Variants in ZNF484 observed in about 807,000 individuals in gnomAD.
ZNF484 encodes KRAB box containing C2H2 type zinc finger bA526D8.4.
A neutral mutation model predicts 12.9 loss-of-function variants in ZNF484; 11 were observed. The ratio of observed to expected loss-of-function variants is 0.85; its 90% CI spans 0.54 to 1.41. The LOEUF is 1.41. ZNF484 is among the 40% of genes most tolerant of loss of function. The pLI is 0.00. For missense variants in ZNF484, 807 were observed against 1,007.7 expected (o/e 0.80, Z 2.70); for synonymous variants, 289 against 334.1 (o/e 0.86, Z 1.47).
intron 2 of ZNF484, among the ~76,000 whole-genome samples, chr9:92,859,862 C>G (rs1856675943): frequency 6.6e-6 from 1 of 152,226 alleles, no homozygotes; most frequent in South Asian, 2.1e-4. Flanking sequence ...AGTGCAGTGT[C>G]AATGAGAGTT....
intron 2 of ZNF484, among the ~76,000 whole-genome samples, chr9:92,857,614 C>T (rs1856540469): frequency 6.6e-6 from 1 of 152,170 alleles, no homozygotes; most frequent in Admixed American, 6.6e-5. Flanking sequence ...TTCTCAGGAG[C>T]CAGGGTGATC....
rs56121719 is a variant in ZNF484 at position 92,856,323 on chromosome 9, T to TAA, written c.16-7_16-6dup. 149,638 of 1,337,834 alleles carry TAA rather than the reference T, an allele frequency of 0.11. 2,179 individuals carry two copies. The highest frequency in any genetic ancestry group is 0.13 in the Non-Finnish European group (128,273 of 1,003,524). 82.9% of individuals were successfully genotyped at this position (1,337,834 alleles called of 1,614,324 possible). A position where few individuals can be genotyped will look rare whatever the true frequency, so the allele number is the denominator to read the frequency against. On this transcript the variant is annotated splice_region_variant and splice_polypyrimidine_tract_variant and intron_variant, in intron 2 of 4. Transcript: ENST00000375495. ...GTCCTTGAATGACACTGATTCCTGTTAAAAAAAAAAAACAAACTTTAAAAT... is the reference window on the plus strand; with the variant it reads ...GTCCTTGAATGACACTGATTCCTGTTAAAAAAAAAAAAAACAAACTTTAAAAT...
rs576710288 is a variant in ZNF484, at chr9:92,877,933, C to T, written c.-74G>A. The T allele has an allele frequency of 8.4e-5, 124 of 1,484,582 alleles. No individual in the cohort carries two copies. The South Asian group carries it at 1.3e-3, about 16-fold the overall frequency. 92.0% of individuals were successfully genotyped at this position (1,484,582 alleles called of 1,614,324 possible). On this transcript the variant is annotated 5_prime_UTR_variant, in exon 1 of 5. Transcript: ENST00000375495. ...CTCTCAGGACAGTGGTCATTTGCCT[C>T]GGGAGGTGACTATAGTCGCAAGAAC...
In ZNF484 at chr9:92,856,334, AAC is replaced by A. The variant is rs1554719169; in HGVS notation, c.16-18_16-17del. On this transcript the variant is annotated splice_polypyrimidine_tract_variant and intron_variant, in intron 2 of 4. Coordinates refer to ENST00000375495, the MANE Select transcript of ZNF484 (RefSeq NM_031486.4). ...ACACTGATTCCTGTTAAAAAAAAAAAACAAACTTTAAAATAATTTTTTAAAGA... is the reference window on the plus strand; with the variant it reads ...ACACTGATTCCTGTTAAAAAAAAAAAAAACTTTAAAATAATTTTTTAAAGA... 6.5e-7 allele frequency: 1 copy of A among 1,533,118 alleles called. No homozygotes were observed. Among genetic ancestry groups the A allele is most frequent in the Non-Finnish European group, 8.7e-7 (1 of 1,143,894 alleles). 95.0% of individuals were successfully genotyped at this position (1,533,118 alleles called of 1,614,324 possible).
In ZNF484 at chr9:92,848,101, C is replaced by G; in HGVS notation, c.686G>C (p.Gly229Ala). The change falls in exon 5 of 5, where the codon GGG becomes GCG. Residue 229 changes from glycine (G) to alanine (A), a missense_variant. By Grantham distance (60) the Gly-to-Ala change is moderately conservative (BLOSUM62 0). Coordinates refer to ENST00000375495, the MANE Select transcript of ZNF484 (RefSeq NM_031486.4). The surrounding 1 kb of genome is among the most constrained non-coding windows in gnomAD (Gnocchi z 4.1). ...AGCTTGCTTATGATGCAGAGGTTTC[C>G]CACATTGGTTACATTCACAAGCAGT... ...EVTACECNQC[G>A]KPLHHKQALI... 6.2e-7 allele frequency: 1 copy of G among 1,614,134 alleles called. No individual in the cohort carries two copies. The highest frequency in any genetic ancestry group is 8.5e-7 in the Non-Finnish European group (1 of 1,180,032).
intron 1 of ZNF484, among the ~76,000 whole-genome samples, chr9:92,875,997 T>A (rs1857782961): frequency 6.6e-6 from 1 of 152,104 alleles, no homozygotes; most frequent in Non-Finnish European, 1.5e-5. Flanking sequence ...GAGAGACATT[T>A]TCAGAAATAA....
chr9:92,846,820 T>C lies in ZNF484; in HGVS notation c.1967A>G (p.Lys656Arg), dbSNP rs865835579. 1 of 1,614,004 alleles carries C rather than the reference T, an allele frequency of 6.2e-7. No individual in the cohort carries two copies. Among genetic ancestry groups the C allele is most frequent in the Non-Finnish European group, 8.5e-7 (1 of 1,179,994 alleles). Residue 656 changes from lysine (K) to arginine (R), a missense_variant, in exon 5 of 5, where the codon AAA becomes AGA. By Grantham distance (26) the Lys-to-Arg change is conservative. Transcript: ENST00000375495. ...ATAAGGTTTCTCTCCAGTGTGAATT[T>C]TCTGGTGTGTAAAGAGATTTGATCT... Reference protein sequence around the residue: ...TDRSNLFTHQKIHTGEKPYKC... With the variant: ...TDRSNLFTHQRIHTGEKPYKC...
At chr9:92,875,126 A>G (rs1857717955) in intron 1 of ZNF484, 67 bp from the exon 2 acceptor site, 12 of 1,439,330 alleles carry the variant, frequency 8.3e-6, no homozygotes, top group South Asian at 4.9e-5. Context: ...ACATGGACAC[A>G]TACATCATTT....
intron 2 of ZNF484, among the ~76,000 whole-genome samples, chr9:92,872,675 ATTCT>A (rs1185910078): frequency 1.3e-5 from 2 of 152,118 alleles, no homozygotes; most frequent in African/African-American, 2.4e-5. Flanking sequence ...ATAGAAACAG[ATTCT>A]TTCTTACAGC....
intron 4 of ZNF484, among the ~76,000 whole-genome samples, chr9:92,850,589 T>C (rs1016145952): frequency 6.6e-6 from 1 of 152,190 alleles, no homozygotes; most frequent in Non-Finnish European, 1.5e-5. Flanking sequence ...GTCTATTTTC[T>C]TTTGAGATGG....
chr9:92,852,014 AG>A (rs1479919584), intron 4 of ZNF484, among the ~76,000 whole-genome samples: 1 of 152,240 alleles, frequency 6.6e-6, no homozygotes, highest in East Asian at 1.9e-4. Context: ...TAGTTTTTCT[AG>A]CCCTTTGAAT....
At chr9:92,850,187 T>C (rs1242933219) in intron 4 of ZNF484, among the ~76,000 whole-genome samples, 4 of 152,348 alleles carry the variant, frequency 2.6e-5, no homozygotes, top group Admixed American at 2.6e-4. Context: ...AGTTTACAGA[T>C]GAGGAAACTG....
chr9:92,877,386 A>G (rs1857884116), intron 1 of ZNF484, among the ~76,000 whole-genome samples: 1 of 152,144 alleles, frequency 6.6e-6, no homozygotes, highest in Admixed American at 6.5e-5. Context: ...TGAATGATAT[A>G]TAAATATAAT....
intron 2 of ZNF484, among the ~76,000 whole-genome samples, chr9:92,872,228 C>A (rs149660583): frequency 0.069 from 5,526 of 80,556 alleles, 190 homozygotes; most frequent in East Asian, 0.3. Flanking sequence ...CAAATCTCTG[C>A]CTCAAAAAAA....
chr9:92,873,186 C>A (rs1046456519), intron 2 of ZNF484, among the ~76,000 whole-genome samples: 1 of 152,194 alleles, frequency 6.6e-6, no homozygotes, highest in Non-Finnish European at 1.5e-5. Flanking sequence ...TAGGGAATGG[C>A]CTGTGAGCAC....
In ZNF484 at chr9:92,848,628, C is replaced by G; in HGVS notation, c.236-77G>C. ...TAAGGCCAGGTGCGGTGGCTCATGC[C>G]TGTAATCCTAGCACTTTGGGAGGCT... On this transcript the variant is annotated intron_variant, in intron 4 of 4. Transcript: ENST00000375495. This position sits in a 1 kb window ranked among gnomAD's most constrained non-coding sequence, Gnocchi z 4.1. 1 of 1,371,436 alleles carries G rather than the reference C, an allele frequency of 7.3e-7. No homozygotes were observed. The highest frequency in any genetic ancestry group is 9.6e-7 in the Non-Finnish European group (1 of 1,038,696). 85.0% of individuals were successfully genotyped at this position (1,371,436 alleles called of 1,614,324 possible).
In ZNF484 at chr9:92,847,870, G is replaced by T. The variant is rs1040382410; in HGVS notation, c.917C>A (p.Thr306Asn). The T allele has an allele frequency of 2.5e-6, 4 of 1,614,014 alleles. No individual in the cohort carries two copies. The African/African-American group carries it at 5.3e-5, about 22-fold the overall frequency. ...GAGGGAAAAATCCTTCTCATATTCA[G>T]TGCATATTCCTGCATAAACCCTCTG... ...GSQRVYAGIC[T>N]EYEKDFSLKS... The change falls in exon 5 of 5, where the codon ACT (threonine) becomes AAT (asparagine). Residue 306 changes from threonine to asparagine, a missense_variant. By Grantham distance (65) the Thr-to-Asn change is moderately conservative (BLOSUM62 0). Coordinates refer to ENST00000375495, the MANE Select transcript of ZNF484 (RefSeq NM_031486.4).
chr9:92,844,987 A>G lies in ZNF484; in HGVS notation c.*1241T>C, dbSNP rs1282580393. 1 of 152,176 alleles carries G rather than the reference A, an allele frequency of 6.6e-6. No homozygotes were observed. The highest frequency in any genetic ancestry group is 1.5e-5 in the Non-Finnish European group (1 of 68,018). The allele number at this position is 152,176 out of a possible 1,614,324, so 9.4% of individuals were successfully genotyped here. On this transcript the variant is annotated 3_prime_UTR_variant, in exon 5 of 5. Coordinates refer to ENST00000375495, the MANE Select transcript of ZNF484 (RefSeq NM_031486.4). ...ACCATATAAGAGACAAATAAATGAA[A>G]TTATAATGTTATAACTTCTCCCCTT... is the stretch of plus-strand genomic sequence containing the variant.
chr9:92,853,780 T>A (rs908451505), intron 4 of ZNF484, among the ~76,000 whole-genome samples: 17 of 152,190 alleles, frequency 1.1e-4, no homozygotes, highest in Non-Finnish European at 2.2e-4. Context: ...GGTCATTGCC[T>A]TGACATCCTG....
Sources: gnomAD v4.1 joint callset for allele counts (sites outside exome capture counted in the v4.1 genomes callset) on GRCh38, gnomAD v4.1.1 for gene constraint, Gnocchi (gnomAD v3.1) non-coding constraint, MANE v1.5 for transcripts, NCBI Gene and HGNC (gene_info 2026-07-23, HGNC 2026-07-21) for gene names.